MICAL3: variants seen among roughly 807,000 people sequenced by gnomAD.
MICAL3 encodes [F-actin]-monooxygenase MICAL3.
Under a neutral mutation model 207.4 loss-of-function variants are expected in MICAL3, and 62 were observed. The ratio of observed to expected loss-of-function variants is 0.30; its 90% CI spans 0.24 to 0.37. The LOEUF (loss-of-function observed/expected upper bound fraction) is 0.37. Ranked by LOEUF, MICAL3 falls within the 10% of genes least tolerant of loss-of-function variation. The pLI is 1.00. For missense variants in MICAL3, 2,368 were observed against 2,635.6 expected (o/e 0.90, Z 2.22); for synonymous variants, 1,077 against 1,069.3 (o/e 1.01, Z -0.14).
rs144931178 is a variant in MICAL3, at chr22:17,824,075, C to T, written c.3194-1015G>A. Among the ~76,000 whole-genome samples, 44 of 148,230 alleles carry T rather than the reference C, an allele frequency of 3.0e-4. No individual in the cohort carries two copies. In the East Asian group the frequency reaches 8.0e-3, roughly 27 times the overall value. On this transcript the variant is annotated intron_variant, in intron 22 of 31. Coordinates refer to ENST00000441493, the MANE Select transcript of MICAL3 (RefSeq NM_015241.3). ...AACTTCCCCTCCCCAGGAGCCGGCC[C>T]CTAAGCACGCACACACCGTCCCCAC...
At position 17,974,201 on chromosome 22, in the gene MICAL3, A is replaced by C. The variant is rs536074262; in HGVS notation, c.-75+50080T>G. 3.9e-5 allele frequency among the ~76,000 whole-genome samples: 6 copies of C among 152,268 alleles called. No individual in the cohort carries two copies. In the South Asian group the frequency reaches 1.2e-3, roughly 32 times the overall value. On this transcript the variant is annotated intron_variant, in intron 1 of 31. Coordinates refer to ENST00000441493, the MANE Select transcript of MICAL3 (RefSeq NM_015241.3). ...CCAGCTCCCTAGGGCTTTGTGAGGA[A>C]GACCAGCTCCACCACCCTGCTGTCT...
chr22:17,889,277 T>C (rs1201627231), intron 12 of MICAL3, 47 bp from the exon 13 acceptor site: 1 of 1,438,848 alleles, frequency 7.0e-7, no homozygotes, highest in Admixed American at 1.7e-5. Flanking sequence ...TTGACAGTCC[T>C]TAAACAGAAA....
intron 11 of MICAL3, among the ~76,000 whole-genome samples, chr22:17,892,532 T>G (rs1469210300): frequency 2.6e-5 from 4 of 152,208 alleles, no homozygotes; most frequent in Non-Finnish European, 4.4e-5. Flanking sequence ...CATGAAAATG[T>G]ATTCTGCGAT....
chr22:17,876,339 G>C (rs553062345), intron 16 of MICAL3: 2 of 152,312 alleles, frequency 1.3e-5, no homozygotes, highest in Non-Finnish European at 2.9e-5. Context: ...GGGAAGGACA[G>C]CATTAAGTCA....
chr22:17,876,865 G>GGGAGGTTAT (rs1928531582), intron 16 of MICAL3: 1 of 99,786 alleles, frequency 1.0e-5, no homozygotes, highest in Non-Finnish European at 2.0e-5. Context: ...ATGGAGGTTA[G>GGGAGGTTAT]GGAGGTTAGG....
intron 1 of MICAL3, among the ~76,000 whole-genome samples, chr22:17,998,959 G>A (rs865955837): frequency 3.9e-5 from 6 of 152,060 alleles, no homozygotes; most frequent in African/African-American, 9.7e-5. Context: ...TGCCCTTTTC[G>A]TCTGTTCACA....
chr22:17,959,367 T>G (rs1488206788), intron 1 of MICAL3, among the ~76,000 whole-genome samples: 1 of 150,594 alleles, frequency 6.6e-6, no homozygotes, highest in African/African-American at 2.5e-5. Context: ...CAGGCTGGAG[T>G]GCAGTGGCGC....
intron 20 of MICAL3, chr22:17,834,212 G>A: frequency 1.9e-6 from 2 of 1,073,548 alleles, no homozygotes; most frequent in Non-Finnish European, 2.3e-6. Context: ...TGCTCTCTGA[G>A]TTTGCTCAAT....
At chr22:17,799,929 G>A (rs1026481375) in intron 29 of MICAL3, among the ~76,000 whole-genome samples, 3 of 148,430 alleles carry the variant, frequency 2.0e-5, no homozygotes, top group East Asian at 2.0e-4. Context: ...ACACACGCGC[G>A]CTGGGAAACC....
chr22:17,914,863 C>T (rs5992901), intron 1 of MICAL3, among the ~76,000 whole-genome samples: 3,143 of 152,292 alleles, frequency 0.021, 101 homozygotes, highest in African/African-American at 0.066. Flanking sequence ...CCATCAGCAA[C>T]GCCTATGAGG....
At chr22:17,842,983 C>T (rs552570665) in intron 19 of MICAL3, among the ~76,000 whole-genome samples, 5 of 152,064 alleles carry the variant, frequency 3.3e-5, no homozygotes, top group South Asian at 4.2e-4. Flanking sequence ...TAACCAGGCA[C>T]GGTGGCGGGC....
chr22:17,887,410 C>G lies in MICAL3; in HGVS notation c.1917G>C (p.Glu639Asp). 1 of 1,613,794 alleles carries G rather than the reference C, an allele frequency of 6.2e-7. No individual in the cohort carries two copies. The highest frequency in any genetic ancestry group is 1.3e-5 in the African/African-American group (1 of 75,054). ...SSDTLDLNAE[E>D]KAVLIASTRS... ...TGGTGCTGGCTATCAGGACTGCTTT[C>G]TCCTCGGCATTTAGGTCCAAGGTGT... Residue 639 changes from glutamate (E) to aspartate (D), a missense_variant, in exon 14 of 32, where the codon GAG becomes GAC. This residue lies in a region of MICAL3 where 1,770 missense variants were observed against 1,863.2 expected (regional missense o/e 0.95). Coordinates refer to ENST00000441493, the MANE Select transcript of MICAL3 (RefSeq NM_015241.3).
At position 17,817,405 on chromosome 22, in the gene MICAL3, C is replaced by A. The variant is rs181358925; in HGVS notation, c.5256G>T (p.Lys1752Asn). 2.0e-4 allele frequency: 325 copies of A among 1,613,394 alleles called. 1 individual carries two copies. The African/African-American group carries it at 3.9e-3, about 19-fold the overall frequency. Residue 1752 changes from lysine (K) to asparagine (N), a missense_variant, in exon 26 of 32, where the codon AAG becomes AAT. Coordinates refer to ENST00000441493, the MANE Select transcript of MICAL3 (RefSeq NM_015241.3). The part of the protein sequence containing the change: ...SVFSGYKKDK[K>N]KKADDKSCPS... ...GGCAGGACTTGTCGTCGGCCTTCTTCTTCTTGTCCTTCTTGTACCCGGAGA... is the reference window on the plus strand; with the variant it reads ...GGCAGGACTTGTCGTCGGCCTTCTTATTCTTGTCCTTCTTGTACCCGGAGA...
chr22:17,806,181 G>A (rs905956720), intron 29 of MICAL3, among the ~76,000 whole-genome samples: 1 of 152,188 alleles, frequency 6.6e-6, no homozygotes, highest in Non-Finnish European at 1.5e-5. Context: ...ATGTGTTAGT[G>A]AAGAGGACAT....
intron 1 of MICAL3, among the ~76,000 whole-genome samples, chr22:17,934,908 G>A (rs1410500773): frequency 3.9e-5 from 6 of 152,128 alleles, no homozygotes; most frequent in Non-Finnish European, 7.3e-5. Context: ...CAAGGGATGT[G>A]AAGGACCTCT....
In MICAL3 at chr22:17,893,842, C is replaced by T; in HGVS notation, c.1512G>A (p.Val504=). 6.3e-7 allele frequency: 1 copy of T among 1,578,070 alleles called. No homozygotes were observed. Among genetic ancestry groups the T allele is most frequent in the Non-Finnish European group, 8.6e-7 (1 of 1,160,498 alleles). The part of the protein sequence containing the change: ...KDIHLEMESL[V]NSRTTPKLTR... ...TCAATTTGGGGGTGGTTCGGGAATT[C>T]ACCAGGCTCTCCATTTCCAGGTGAA... The change falls in exon 11 of 32, where the codon GTG becomes GTA. Residue 504 remains valine (V), a synonymous_variant. Transcript: ENST00000441493.
chr22:17,988,547 C>T (rs1372687910), intron 1 of MICAL3, among the ~76,000 whole-genome samples: 3 of 152,228 alleles, frequency 2.0e-5, no homozygotes, highest in South Asian at 2.1e-4. Context: ...CTCCACCCTC[C>T]GAGTTCAAGT....
Position 17,827,668 on chromosome 22 carries a change from C to A in MICAL3, c.3169G>T (p.Ala1057Ser). 1 of 1,575,854 alleles carries A rather than the reference C, an allele frequency of 6.3e-7. No individual in the cohort carries two copies. Among genetic ancestry groups the A allele is most frequent in the East Asian group, 2.4e-5 (1 of 42,548 alleles). Residue 1057 changes from alanine (A) to serine (S), a missense_variant, in exon 22 of 32, where the codon GCC becomes TCC. Physicochemically the swap from Ala to Ser is moderately conservative, Grantham distance 99. Transcript: ENST00000441493. ...EREEEERMAP[A>S]SESSASGAPL... ...CCTCCGGAAGCAGAGGACTCAGAGG[C>A]CGGCGCCATCCTCTCTTCCTCCTCT...
At chr22:17,932,748 T>C (rs979714846) in intron 1 of MICAL3, among the ~76,000 whole-genome samples, 14 of 151,980 alleles carry the variant, frequency 9.2e-5, no homozygotes, top group Admixed American at 3.9e-4. Flanking sequence ...AAGATGCACA[T>C]AGGCTGAAGA....
Sources: gnomAD v4.1 joint callset for allele counts (sites outside exome capture counted in the v4.1 genomes callset) on GRCh38, gnomAD v4.1.1 for gene constraint, gnomAD v4.1.1 regional missense constraint, MANE v1.5 for transcripts, NCBI Gene and HGNC (gene_info 2026-07-23, HGNC 2026-07-21) for gene names.